Variants in NCOR2 observed in about 807,000 individuals in gnomAD.
NCOR2 encodes CTG repeat protein 26.
In NCOR2, 81 loss-of-function variants were observed where a neutral mutation model predicts 262.9. That is an observed-to-expected ratio of 0.31 (90% CI 0.26 to 0.37). The LOEUF (loss-of-function observed/expected upper bound fraction) is 0.37, where lower values mean the gene tolerates loss of function less well. Among genes scored for constraint, NCOR2 ranks in the 10% least tolerant of loss-of-function variants. The probability of loss-of-function intolerance (pLI) is 1.00; values close to 1 mark genes in which losing one functional copy is unlikely to be tolerated. For synonymous variants in NCOR2, 1,659 were observed against 1,559.3 expected, an observed-to-expected ratio of 1.06 and a Z score of -1.51; for missense variants, 3,385 against 3,621.4, an observed-to-expected ratio of 0.93 and a Z score of 1.68.
Position 124,565,465 on chromosome 12 carries a change from T to A in NCOR2, c.-165+1843A>T, listed in dbSNP as rs113634180. Among the ~76,000 whole-genome samples the A allele has an allele frequency of 5.7e-3, 873 of 152,190 alleles. 4 individuals carry two copies. Among genetic ancestry groups the A allele is most frequent in the Middle Eastern group, 0.01 (3 of 292 alleles). On this transcript the variant is annotated intron_variant, in intron 1 of 32. Coordinates refer to the NCOR2 transcript ENST00000458234. Reference sequence around the variant, plus strand: ...TGACTCAGTCTTTGCATCTGTTCAATGGGCGGGGGCACCTGCCCTTCTCCA... The same window carrying A: ...TGACTCAGTCTTTGCATCTGTTCAAAGGGCGGGGGCACCTGCCCTTCTCCA...
chr12:124,497,981 C>T (rs570343359), upstream of NCOR2, among the ~76,000 whole-genome samples: 2 of 152,286 alleles, frequency 1.3e-5, no homozygotes, highest in African/African-American at 2.4e-5. The surrounding 1 kb of genome is among the most constrained non-coding windows in gnomAD (Gnocchi z 4.2). Flanking sequence ...TGCTAGAGCT[C>T]GGCTCAAAGT....
intron 16 of NCOR2, among the ~76,000 whole-genome samples, chr12:124,396,983 C>G (rs1237700366): frequency 6.6e-6 from 1 of 152,204 alleles, no homozygotes; most frequent in Non-Finnish European, 1.5e-5. Context: ...GCCACGGGAC[C>G]AAGCACGGGA....
chr12:124,358,097 G>GCA (rs35794554), intron 22 of NCOR2, among the ~76,000 whole-genome samples: 20 of 138,002 alleles, frequency 1.4e-4, no homozygotes, highest in Non-Finnish European at 2.9e-4. Flanking sequence ...GTGTGTGTGC[G>GCA]CGCGCGCACG....
At chr12:124,334,510 G>A in exon 41 of NCOR2, 1 of 1,446,602 alleles carries the variant, frequency 6.9e-7, no homozygotes, top group Non-Finnish European at 9.1e-7. Context: ...GTGGGCGGCG[G>A]AGGTCCAGGA....
chr12:124,403,178 G>A (rs904929648), intron 13 of NCOR2, among the ~76,000 whole-genome samples: 13 of 152,216 alleles, frequency 8.5e-5, no homozygotes, highest in Admixed American at 2.6e-4. Context: ...TCTGTAAAAC[G>A]GGGAGGTGGG....
chr12:124,398,809 C>T (rs1434170531), intron 15 of NCOR2, among the ~76,000 whole-genome samples: 3 of 152,244 alleles, frequency 2.0e-5, no homozygotes, highest in African/African-American at 4.8e-5. Flanking sequence ...GCGGAGAAGC[C>T]CTGCTCCAGA....
chr12:124,563,605 G>A (rs763912915), intron 1 of NCOR2, among the ~76,000 whole-genome samples: 1 of 152,270 alleles, frequency 6.6e-6, no homozygotes, highest in Non-Finnish European at 1.5e-5. Context: ...GAACTCTGCC[G>A]CTGCAGCTTT....
Position 124,440,732 on chromosome 12 carries a change from A to G in NCOR2, c.816-2736T>C, listed in dbSNP as rs1203259677. On this transcript the variant is annotated intron_variant, in intron 7 of 46. Coordinates refer to ENST00000405201, the Ensembl canonical transcript of NCOR2. The surrounding 1 kb of genome is among the most constrained non-coding windows in gnomAD (Gnocchi z 5.7). ...TCCTGGATTTGGGAACTTAAATGGA[A>G]TGGTGGGCTAGTGGGTGCTGGGGGA... Among the ~76,000 whole-genome samples, 1 of 152,110 alleles carries G rather than the reference A, an allele frequency of 6.6e-6. No homozygotes were observed. The highest frequency in any genetic ancestry group is 2.4e-5 in the African/African-American group (1 of 41,432).
intron 1 of NCOR2, among the ~76,000 whole-genome samples, chr12:124,492,451 G>A (rs1340407184): frequency 1.3e-5 from 2 of 152,204 alleles, no homozygotes; most frequent in Non-Finnish European, 2.9e-5. Context: ...CAAAGCACCA[G>A]GAAGAGGACT....
chr12:124,464,069 A>C (rs2046313025), intron 5 of NCOR2, among the ~76,000 whole-genome samples: 1 of 152,268 alleles, frequency 6.6e-6, no homozygotes, highest in African/African-American at 2.4e-5. Context: ...AGTAAAACAG[A>C]AATCATGTCC....
chr12:124,389,451 GC>G lies in NCOR2; in HGVS notation c.1877-3565del, dbSNP rs2041103716. On this transcript the variant is annotated intron_variant, in intron 16 of 46. Coordinates refer to ENST00000405201, the Ensembl canonical transcript of NCOR2. This position sits in a 1 kb window ranked among gnomAD's most constrained non-coding sequence, Gnocchi z 4.4. ...CCCCCTCCCTCTCTCCCCATCCGCG[GC>G]GGTGGCGGCGTCAGCAGTGGTAAGA... is the stretch of plus-strand genomic sequence containing the variant. 6.6e-6 allele frequency among the ~76,000 whole-genome samples: 1 copy of G among 152,198 alleles called. No homozygotes were observed. Among genetic ancestry groups the G allele is most frequent in the Non-Finnish European group, 1.5e-5 (1 of 68,030 alleles).
chr12:124,441,960 T>C (rs80046420), intron 7 of NCOR2, among the ~76,000 whole-genome samples: 3,017 of 152,202 alleles, frequency 0.02, 97 homozygotes, highest in African/African-American at 0.069. Context: ...AAGGCAAGGC[T>C]GAGAAGCCGT....
intron 16 of NCOR2, among the ~76,000 whole-genome samples, chr12:124,391,373 C>T (rs1003344109): frequency 2.0e-5 from 3 of 152,196 alleles, no homozygotes; most frequent in African/African-American, 7.2e-5. Flanking sequence ...CACCGCCCCC[C>T]ACCTGCCATT....
At chr12:124,327,329 T>TCAGAGGAGCG in intron 45 of NCOR2, 80 bp downstream of exon 47, 1 of 1,139,382 alleles carries the variant, frequency 8.8e-7, no homozygotes, top group Non-Finnish European at 1.2e-6. Context: ...GAGGGGGTTG[T>TCAGAGGAGCG]CAGAGGAGCG....
intron 1 of NCOR2, among the ~76,000 whole-genome samples, chr12:124,547,982 T>C (rs2051593020): frequency 6.6e-6 from 1 of 152,228 alleles, no homozygotes. Flanking sequence ...CAGAATGAGA[T>C]ATAATTCTAA....
rs186343905 is a variant in NCOR2 at position 124,527,798 on chromosome 12, C to A, written c.-118+7767G>T. ...CCTGTTAGGACTGCTGCTGTCACTG[C>A]CATGGGGTGCTCCCACTTCGAAGCT... On this transcript the variant is annotated intron_variant, in intron 1 of 46. Transcript: ENST00000404621. Among the ~76,000 whole-genome samples, 4 of 152,358 alleles carry A rather than the reference C, an allele frequency of 2.6e-5. No individual in the cohort carries two copies. In the East Asian group the frequency reaches 5.8e-4, roughly 22 times the overall value.
At chr12:124,365,198 C>T (rs2038932854) in intron 20 of NCOR2, among the ~76,000 whole-genome samples, 1 of 152,200 alleles carries the variant, frequency 6.6e-6, no homozygotes, top group African/African-American at 2.4e-5. Context: ...GCAGCAGCCA[C>T]GGGCCTGGAA....
chr12:124,366,001 G>A (rs934355410), intron 20 of NCOR2, among the ~76,000 whole-genome samples: 2 of 152,172 alleles, frequency 1.3e-5, no homozygotes, highest in African/African-American at 2.4e-5. Context: ...GCACTTGCAA[G>A]CTGAAATTTA....
intron 1 of NCOR2, among the ~76,000 whole-genome samples, chr12:124,501,156 CT>C (rs1024907763): frequency 5.3e-5 from 8 of 152,236 alleles, no homozygotes; most frequent in Admixed American, 5.2e-4. Context: ...CAAAGCCCCC[CT>C]GGGGTGGGCG....
Sources: gnomAD v4.1 joint callset for allele counts (sites outside exome capture counted in the v4.1 genomes callset) on GRCh38, gnomAD v4.1.1 for gene constraint, Gnocchi (gnomAD v3.1) non-coding constraint, MANE v1.5 for transcripts, NCBI Gene and HGNC (gene_info 2026-07-23, HGNC 2026-07-21) for gene names.